The following ABI1 variants were observed in gnomAD, a reference collection of about 807,000 sequenced individuals.
The protein encoded by ABI1 is Abelson interactor 1.
ABI1 carries 14 observed loss-of-function variants against 54.6 expected under a neutral mutation model. The observed-to-expected ratio is 0.26, with a 90% CI of 0.17 to 0.40. The LOEUF is 0.40. Among genes scored for constraint, ABI1 ranks in the 10% least tolerant of loss-of-function variants. The pLI is 1.00. For missense variants in ABI1, 443 were observed against 598.3 expected (o/e 0.74, Z 2.71); for synonymous variants, 194 against 209.3 (o/e 0.93, Z 0.63).
intron 2 of ABI1, among the ~76,000 whole-genome samples, chr10:26,785,173 T>C (rs1198526139): frequency 6.6e-6 from 1 of 152,184 alleles, no homozygotes; most frequent in African/African-American, 2.4e-5. Flanking sequence ...ACAAATGAAG[T>C]TGCATAATCA....
In ABI1 at chr10:26,759,144, T is replaced by G; in HGVS notation, c.915A>C (p.Gly305=). 1 of 1,614,100 alleles carries G rather than the reference T, an allele frequency of 6.2e-7. No individual in the cohort carries two copies. The highest frequency in any genetic ancestry group is 8.5e-7 in the Non-Finnish European group (1 of 1,179,982). The part of the protein sequence containing the change: ...NSTTSSTSSG[G]YRRTPSVTAQ... Reference sequence around the variant, plus strand: ...CAGTCACAGAGGGAGTTCGTCTGTATCCACCAGAAGATGTCGAAGAAGTAG... The same window carrying G: ...CAGTCACAGAGGGAGTTCGTCTGTAGCCACCAGAAGATGTCGAAGAAGTAG... The change falls in exon 8 of 11, where the codon GGA becomes GGC. Residue 305 remains glycine (G), a synonymous_variant. Transcript: ENST00000376140.
chr10:26,829,709 C>G (rs2048541677), intron 1 of ABI1, among the ~76,000 whole-genome samples: 1 of 152,068 alleles, frequency 6.6e-6, no homozygotes, highest in South Asian at 2.1e-4. Flanking sequence ...GAATGAAACA[C>G]ACAAAATGTT....
In ABI1 at chr10:26,842,489, A is replaced by C. The variant is rs867107108; in HGVS notation, c.117+18258T>G. 6.6e-5 allele frequency among the ~76,000 whole-genome samples: 10 copies of C among 152,160 alleles called. No homozygotes were observed. In the Middle Eastern group the frequency reaches 0.01, roughly 155 times the overall value. On this transcript the variant is annotated intron_variant, in intron 1 of 10. Coordinates refer to ENST00000376140, the MANE Select transcript of ABI1 (RefSeq NM_001012750.3). ...TAAGCTTTTAGTGTGGAATCCAAAA[A>C]GAAAATTCTAGCTGGACACCAGCAC...
intron 3 of ABI1, among the ~76,000 whole-genome samples, chr10:26,775,682 G>A (rs1841311839): frequency 6.6e-6 from 1 of 152,130 alleles, no homozygotes; most frequent in Non-Finnish European, 1.5e-5. Context: ...CTTATACTCA[G>A]CTAAGTACTA....
At chr10:26,820,650 C>T (rs958038111) in intron 2 of ABI1, among the ~76,000 whole-genome samples, 1 of 150,034 alleles carries the variant, frequency 6.7e-6, no homozygotes, top group Non-Finnish European at 1.5e-5. Flanking sequence ...TACAGTGGCG[C>T]GATCTCGGCT....
At chr10:26,800,559 T>G (rs1414356398) in intron 2 of ABI1, among the ~76,000 whole-genome samples, 1 of 151,840 alleles carries the variant, frequency 6.6e-6, no homozygotes, top group Non-Finnish European at 1.5e-5. Context: ...GGGAGGATGG[T>G]TGAACCCTCC....
At chr10:26,830,901 T>G (rs894758623) in intron 1 of ABI1, among the ~76,000 whole-genome samples, 3 of 152,122 alleles carry the variant, frequency 2.0e-5, no homozygotes, top group African/African-American at 7.2e-5. Context: ...ATTTTGCCCA[T>G]TTTTTTAATT....
At chr10:26,827,595 T>TG (rs1300963982) in intron 1 of ABI1, among the ~76,000 whole-genome samples, 12 of 63,488 alleles carry the variant, frequency 1.9e-4, no homozygotes, top group Admixed American at 1.6e-3. Flanking sequence ...TTCTGTTTTT[T>TG]GTTTTTTTTT....
At chr10:26,783,580 A>C (rs1842392688) in intron 2 of ABI1, among the ~76,000 whole-genome samples, 1 of 152,222 alleles carries the variant, frequency 6.6e-6, no homozygotes, top group Non-Finnish European at 1.5e-5. Flanking sequence ...CAGGAAGAGA[A>C]CATCTCCTGG....
intron 1 of ABI1, among the ~76,000 whole-genome samples, chr10:26,830,624 T>TAAAAAA (rs71403893): frequency 7.9e-6 from 1 of 126,314 alleles, no homozygotes; most frequent in African/African-American, 2.9e-5. Context: ...CTGTCTCCTT[T>TAAAAAA]AAAAAAAAAA....
chr10:26,835,934 G>A (rs1019795073), intron 1 of ABI1, among the ~76,000 whole-genome samples: 1 of 151,500 alleles, frequency 6.6e-6, no homozygotes, highest in African/African-American at 2.4e-5. Flanking sequence ...TGCATTTTTT[G>A]TAAAGTTGGG....
chr10:26,796,885 G>A (rs543462938), intron 2 of ABI1, among the ~76,000 whole-genome samples: 6 of 152,250 alleles, frequency 3.9e-5, no homozygotes, highest in South Asian at 4.2e-4. Flanking sequence ...TTCTCATAAG[G>A]AGCATGCAAC....
At chr10:26,792,354 T>A (rs943676674) in intron 2 of ABI1, among the ~76,000 whole-genome samples, 9 of 151,952 alleles carry the variant, frequency 5.9e-5, no homozygotes, top group Admixed American at 2.0e-4. Context: ...AAAGACTCCA[T>A]GAAAGAAACC....
At chr10:26,853,842 T>A (rs2050607114) in intron 1 of ABI1, among the ~76,000 whole-genome samples, 1 of 152,046 alleles carries the variant, frequency 6.6e-6, no homozygotes, top group Non-Finnish European at 1.5e-5. Context: ...ACGCCCAGCC[T>A]TTACCTTACT....
At chr10:26,775,907 C>A (rs1018587916) in intron 3 of ABI1, among the ~76,000 whole-genome samples, 1 of 152,154 alleles carries the variant, frequency 6.6e-6, no homozygotes, top group African/African-American at 2.4e-5. Context: ...TACATACATG[C>A]ATGCATGAAT....
intron 2 of ABI1, 128 bp from the exon 3 acceptor site, chr10:26,777,369 C>A: frequency 1.6e-6 from 1 of 626,152 alleles, no homozygotes; most frequent in Non-Finnish European, 2.6e-6. Context: ...CCAGTGAATA[C>A]TATTAAATTA....
At chr10:26,773,990 C>A (rs1297714546) in intron 3 of ABI1, among the ~76,000 whole-genome samples, 1 of 152,158 alleles carries the variant, frequency 6.6e-6, no homozygotes, top group Non-Finnish European at 1.5e-5. Context: ...AACAAGCACA[C>A]AAACACACAG....
At chr10:26,765,452 T>C in intron 6 of ABI1, 134 bp from the exon 7 acceptor site, 1 of 670,872 alleles carries the variant, frequency 1.5e-6, no homozygotes, top group African/African-American at 1.9e-5. Flanking sequence ...AGGACTGGTT[T>C]CAAGAGCCCC....
intron 2 of ABI1, among the ~76,000 whole-genome samples, chr10:26,780,048 T>C (rs1419583689): frequency 1.3e-5 from 2 of 152,172 alleles, no homozygotes; most frequent in Non-Finnish European, 2.9e-5. Context: ...TGACATTATC[T>C]TAACAATGGA....
Sources: gnomAD v4.1 joint callset for allele counts (sites outside exome capture counted in the v4.1 genomes callset) on GRCh38, gnomAD v4.1.1 for gene constraint, MANE v1.5 for transcripts, NCBI Gene and HGNC (gene_info 2026-07-23, HGNC 2026-07-21) for gene names.